The following ACACA variants were observed in gnomAD, a reference collection of about 807,000 sequenced individuals.
ACACA encodes the protein acetyl-CoA carboxylase 1.
Under a neutral mutation model 296.1 loss-of-function variants are expected in ACACA, and 103 were observed. The ratio of observed to expected loss-of-function variants is 0.35; its 90% CI spans 0.30 to 0.41. The LOEUF is 0.41. ACACA is among the 10% of genes least tolerant of loss of function. ACACA has a pLI of 1.00. For missense variants in ACACA, 1,554 were observed against 2,989.7 expected (o/e 0.52, Z 11.20); for synonymous variants, 953 against 1,038.6 (o/e 0.92, Z 1.58).
intron 10 of ACACA, among the ~76,000 whole-genome samples, chr17:37,268,497 G>T (rs1400148168): frequency 6.6e-6 from 1 of 151,938 alleles, no homozygotes; most frequent in Non-Finnish European, 1.5e-5. Flanking sequence ...GTTTTCCAGG[G>T]CACCCCTCCC....
At chr17:37,227,783 C>T (rs368108535) in intron 25 of ACACA, among the ~76,000 whole-genome samples, 3 of 150,466 alleles carry the variant, frequency 2.0e-5, no homozygotes, top group African/African-American at 7.3e-5. Context: ...TGGCGTGAAC[C>T]CGGGAGGTGG....
intron 6 of ACACA, among the ~76,000 whole-genome samples, chr17:37,277,654 C>G (rs1332957343): frequency 6.6e-6 from 1 of 152,162 alleles, no homozygotes; most frequent in Non-Finnish European, 1.5e-5. Context: ...GGTGAGATAC[C>G]TAGAATAAAT....
At chr17:37,360,622 G>A (rs1420366609) in intron 1 of ACACA, among the ~76,000 whole-genome samples, 3 of 152,146 alleles carry the variant, frequency 2.0e-5, no homozygotes, top group Admixed American at 1.3e-4. Flanking sequence ...CTGTGCCTGC[G>A]CCTGTGAATA....
In ACACA at chr17:37,205,815, T is replaced by G; in HGVS notation, c.4006A>C (p.Ile1336Leu). 6.2e-7 allele frequency: 1 copy of G among 1,613,740 alleles called. No homozygotes were observed. Among genetic ancestry groups the G allele is most frequent in the Non-Finnish European group, 8.5e-7 (1 of 1,179,920 alleles). ...LNVAIKTDCD[I>L]EDDRLAAMFR... is the part of the protein sequence containing the mutation. ...ATAGCTGCCAGCCTGTCATCCTCAA[T>G]ATCACAGTCAGTCTTGATAGCCACA... Residue 1336 changes from isoleucine to leucine, a missense_variant, in exon 33 of 56, where the codon ATT becomes CTT. Around this residue, in one of 16 missense-constraint regions of ACACA, gnomAD observed 179 missense variants for 283.2 expected, o/e 0.63. Coordinates refer to ENST00000616317, the MANE Select transcript of ACACA (RefSeq NM_198834.3).
intron 34 of ACACA, 53 bp from the exon 35 acceptor site, chr17:37,200,236 T>G: frequency 6.7e-7 from 1 of 1,496,164 alleles, no homozygotes; most frequent in Non-Finnish European, 9.3e-7. Flanking sequence ...TGGCAATTAG[T>G]AACAAAATCA....
intron 16 of ACACA, among the ~76,000 whole-genome samples, chr17:37,251,104 G>C (rs1399929378): frequency 6.6e-6 from 1 of 152,086 alleles, no homozygotes; most frequent in Non-Finnish European, 1.5e-5. Context: ...GGGGCTTGTA[G>C]AGGAAAATGC....
intron 1 of ACACA, among the ~76,000 whole-genome samples, chr17:37,361,973 T>G (rs1001831307): frequency 6.6e-6 from 1 of 152,188 alleles, no homozygotes; most frequent in Non-Finnish European, 1.5e-5. Context: ...GTGAGTATAT[T>G]TGGAGACAAA....
In ACACA at chr17:37,406,565, A is replaced by G; in HGVS notation, c.-266T>C. On this transcript the variant is annotated 5_prime_UTR_variant, in exon 1 of 56. Coordinates refer to ENST00000616317, the MANE Select transcript of ACACA (RefSeq NM_198834.3). ...AGATGGGAACGTTATCCCCAAACCC[A>G]GGCAGTCCCGGCTCGGCCCGCCTCA... is the stretch of plus-strand genomic sequence containing the variant. 1.7e-6 allele frequency: 1 copy of G among 589,484 alleles called. No individual in the cohort carries two copies. The highest frequency in any genetic ancestry group is 3.0e-6 in the Non-Finnish European group (1 of 330,734). 36.5% of individuals were successfully genotyped at this position (589,484 alleles called of 1,614,324 possible).
intron 35 of ACACA, among the ~76,000 whole-genome samples, 176 bp downstream of exon 35, chr17:37,199,963 T>C (rs532524427): frequency 1.3e-5 from 2 of 152,258 alleles, no homozygotes; most frequent in Admixed American, 1.3e-4. Context: ...GCAATTTTCC[T>C]GACTCAGCCT....
At chr17:37,242,585 G>C (rs2080469306) in intron 22 of ACACA, among the ~76,000 whole-genome samples, 1 of 152,078 alleles carries the variant, frequency 6.6e-6, no homozygotes, top group Non-Finnish European at 1.5e-5. Flanking sequence ...TTAAAAATTA[G>C]CTGGGCATAG....
At chr17:37,218,505 G>A (rs1180835847) in intron 29 of ACACA, among the ~76,000 whole-genome samples, 1 of 152,132 alleles carries the variant, frequency 6.6e-6, no homozygotes, top group African/African-American at 2.4e-5. Context: ...CTATTTGACA[G>A]TACTGGTTTA....
Position 37,246,980 on chromosome 17 carries a change from G to C in ACACA, c.2310-4C>G, listed in dbSNP as rs2080738959. On this transcript the variant is annotated splice_polypyrimidine_tract_variant and splice_region_variant and intron_variant, in intron 18 of 55. Transcript: ENST00000616317. ...ATTGCCAATTGTGATGCGATATCTA[G>C]GAGACAAGTGGAAGTATGTAAGCTA... 3.7e-6 allele frequency: 6 copies of C among 1,613,934 alleles called. No individual in the cohort carries two copies. The highest frequency in any genetic ancestry group is 5.1e-6 in the Non-Finnish European group (6 of 1,179,968).
At position 37,179,279 on chromosome 17, in the gene ACACA, C is replaced by T; in HGVS notation, c.5060G>A (p.Arg1687Lys). ...DDQGQLVHMN[R>K]LPGGNEIGMV... Reference sequence around the variant, plus strand: ...ACTTGCCTCATTTCCTCCTGGAAGCCTGTTCATGTGGACCAGCTGACCTTG... The same window carrying T: ...ACTTGCCTCATTTCCTCCTGGAAGCTTGTTCATGTGGACCAGCTGACCTTG... The change falls in exon 41 of 56, where the codon AGG becomes AAG. Residue 1687 changes from arginine (R) to lysine (K), a missense_variant. By Grantham distance (26) the Arg-to-Lys change is conservative. Coordinates refer to ENST00000616317, the MANE Select transcript of ACACA (RefSeq NM_198834.3). 1.9e-6 allele frequency: 3 copies of T among 1,614,080 alleles called. No homozygotes were observed. The highest frequency in any genetic ancestry group is 2.5e-6 in the Non-Finnish European group (3 of 1,179,986).
At chr17:37,251,398 T>C (rs1357276859) in intron 16 of ACACA, among the ~76,000 whole-genome samples, 1 of 152,232 alleles carries the variant, frequency 6.6e-6, no homozygotes, top group Non-Finnish European at 1.5e-5. Context: ...TTCTTTCAGA[T>C]ACCTCAAAAG....
chr17:37,248,182 G>A (rs374560092), intron 17 of ACACA, 26 bp from the exon 18 acceptor site: 2 of 1,613,974 alleles, frequency 1.2e-6, no homozygotes, highest in African/African-American at 1.3e-5. Flanking sequence ...ATGAGGATCA[G>A]TGTGTCCCTT....
In ACACA at chr17:37,391,923, T is replaced by C. The variant is rs2050901589; in HGVS notation, c.38+14339A>G. 6.8e-6 allele frequency: 4 copies of C among 589,864 alleles called. No individual in the cohort carries two copies. The East Asian group carries it at 1.1e-4, about 16-fold the overall frequency. 36.5% of individuals were successfully genotyped at this position (589,864 alleles called of 1,614,324 possible). A position where few individuals can be genotyped will look rare whatever the true frequency, so the allele number is the denominator to read the frequency against. ...CTATCTGAGCCACAACCTTCTGTAA[T>C]TCACTTCATACATCCATCTAAATGG... On this transcript the variant is annotated intron_variant, in intron 1 of 55. Transcript: ENST00000616317.
In ACACA at chr17:37,252,011, A is replaced by G; in HGVS notation, c.2075T>C (p.Leu692Ser). ...RNSVSNFLHS[L>S]ERGQVLPAHT... ...TACAAGAAACAAAGCCTACCTTTCT[A>G]AGGAGTGAAGGAAGTTAGAGACGCT... The change falls in exon 16 of 56, where the codon TTA becomes TCA. Residue 692 changes from leucine to serine, a missense_variant. Around this residue, in one of 16 missense-constraint regions of ACACA, gnomAD observed 316 missense variants for 540.9 expected, o/e 0.58. Coordinates refer to ENST00000616317, the MANE Select transcript of ACACA (RefSeq NM_198834.3). 6.2e-7 allele frequency: 1 copy of G among 1,613,928 alleles called. No homozygotes were observed. Among genetic ancestry groups the G allele is most frequent in the South Asian group, 1.1e-5 (1 of 91,066 alleles).
intron 52 of ACACA, among the ~76,000 whole-genome samples, chr17:37,106,567 TA>T (rs902166869): frequency 4.6e-5 from 7 of 151,392 alleles, no homozygotes; most frequent in Middle Eastern, 3.4e-3. Context: ...CAAACAGGAA[TA>T]AAAAAAAATA....
intron 16 of ACACA, among the ~76,000 whole-genome samples, chr17:37,251,354 T>C (rs1484581452): frequency 6.6e-6 from 1 of 152,158 alleles, no homozygotes; most frequent in African/African-American, 2.4e-5. Context: ...AACTCTGAAA[T>C]CTCAGTTCAA....
Sources: gnomAD v4.1 joint callset for allele counts (sites outside exome capture counted in the v4.1 genomes callset) on GRCh38, gnomAD v4.1.1 for gene constraint, gnomAD v4.1.1 regional missense constraint, MANE v1.5 for transcripts, NCBI Gene and HGNC (gene_info 2026-07-23, HGNC 2026-07-21) for gene names.